The following KCNJ3 variants were observed in gnomAD, a reference collection of about 807,000 sequenced individuals.
The protein encoded by KCNJ3 is G protein-activated inward rectifier potassium channel 1.
In KCNJ3, 4 loss-of-function variants were observed where a neutral mutation model predicts 39.2. That is an observed-to-expected ratio of 0.10 (90% CI 0.05 to 0.23). The LOEUF (loss-of-function observed/expected upper bound fraction) is 0.23, where lower values mean the gene tolerates loss of function less well. Ranked by LOEUF, KCNJ3 falls within the 10% of genes least tolerant of loss-of-function variation. The pLI is 1.00. For missense variants in KCNJ3, 276 were observed against 634.9 expected, an observed-to-expected ratio of 0.43 and a Z score of 6.08; for synonymous variants, 230 against 237.4, an observed-to-expected ratio of 0.97 and a Z score of 0.29.
At chr2:154,718,870 C>A (rs750098107) in intron 2 of KCNJ3, among the ~76,000 whole-genome samples, 24 of 152,128 alleles carry the variant, frequency 1.6e-4, no homozygotes, top group Non-Finnish European at 3.1e-4. Context: ...TTGACACTAC[C>A]TTTGTCATAA....
rs1481947626 is a variant in KCNJ3, at chr2:154,760,731, T to C, written c.919+50912T>C. 2.5e-4 allele frequency among the ~76,000 whole-genome samples: 30 copies of C among 119,708 alleles called. 1 individual carries two copies. Among genetic ancestry groups the C allele is most frequent in the Admixed American group, 2.3e-3 (29 of 12,752 alleles). The allele number at this position is 119,708 out of a possible 152,430, so 78.5% of individuals were successfully genotyped here. A position where few individuals can be genotyped will look rare whatever the true frequency, so the allele number is the denominator to read the frequency against. On this transcript the variant is annotated intron_variant, in intron 2 of 2. Transcript: ENST00000295101. ...AACACCCTGGCTATTTTTTTCTTTT[T>C]TTTCTTTTTTTTTTTTTTTTTTTGA... is the stretch of plus-strand genomic sequence containing the variant.
At chr2:154,710,409 A>G (rs751079522) in intron 2 of KCNJ3, among the ~76,000 whole-genome samples, 1 of 152,154 alleles carries the variant, frequency 6.6e-6, no homozygotes, top group Non-Finnish European at 1.5e-5. Context: ...CTGCTCCTGT[A>G]TAGCTATGTG....
chr2:154,709,468 A>G (rs1003014997), intron 1 of KCNJ3, 135 bp from the exon 2 acceptor site: 10 of 858,416 alleles, frequency 1.2e-5, no homozygotes, highest in African/African-American at 1.0e-4. Flanking sequence ...ACATAGTTGC[A>G]TAATGATTTG....
intron 2 of KCNJ3, among the ~76,000 whole-genome samples, chr2:154,770,244 C>A (rs1357933970): frequency 6.6e-6 from 1 of 152,180 alleles, no homozygotes; most frequent in Admixed American, 6.5e-5. Context: ...GCCCTCTGAA[C>A]AATCTTCTTT....
At chr2:154,821,639 T>C (rs1687183015) in intron 2 of KCNJ3, among the ~76,000 whole-genome samples, 1 of 138,378 alleles carries the variant, frequency 7.2e-6, no homozygotes, top group Non-Finnish European at 1.6e-5. Flanking sequence ...TATGTGATTT[T>C]TTTTTTTTTT....
intron 2 of KCNJ3, among the ~76,000 whole-genome samples, chr2:154,847,823 A>G (rs1687685820): frequency 1.3e-5 from 2 of 152,162 alleles, no homozygotes; most frequent in Non-Finnish European, 2.9e-5. Context: ...TCACATATTA[A>G]TTACTGGTGG....
rs775178008 is a variant in KCNJ3 at position 154,709,594 on chromosome 2, C to T, written c.703-9C>T. On this transcript the variant is annotated splice_polypyrimidine_tract_variant and intron_variant, in intron 1 of 2. Coordinates refer to ENST00000295101, the MANE Select transcript of KCNJ3 (RefSeq NM_002239.4). ...GTGATTTCTTCTCTTTTTCTGTGTG[C>T]TTGTCTAGTCTCGGCAGACACCTGA... 21 of 1,610,864 alleles carry T rather than the reference C, an allele frequency of 1.3e-5. No individual in the cohort carries two copies. In the East Asian group the frequency reaches 4.5e-4, roughly 34 times the overall value.
intron 1 of KCNJ3, among the ~76,000 whole-genome samples, chr2:154,703,604 G>T (rs1684949064): frequency 6.6e-6 from 1 of 151,666 alleles, no homozygotes; most frequent in African/African-American, 2.4e-5. Context: ...AAAAAATGGT[G>T]GTCTGAAAGA....
At chr2:154,738,676 G>A (rs573088973) in intron 2 of KCNJ3, among the ~76,000 whole-genome samples, 4 of 152,078 alleles carry the variant, frequency 2.6e-5, no homozygotes, top group Middle Eastern at 3.4e-3. Flanking sequence ...GATGACATCC[G>A]ATTATCCTCA....
rs1394263400 is a variant in KCNJ3, at chr2:154,698,765, C to A, written c.-11C>A. 1 of 1,592,816 alleles carries A rather than the reference C, an allele frequency of 6.3e-7. No homozygotes were observed. Among genetic ancestry groups the A allele is most frequent in the Non-Finnish European group, 8.6e-7 (1 of 1,163,416 alleles). On this transcript the variant is annotated 5_prime_UTR_variant, in exon 1 of 3. Transcript: ENST00000295101. ...CGCTTCGCGTTTGAATCTGGCTCGC[C>A]CCTTCGTATTATGTCTGCACTCCGA... is the stretch of plus-strand genomic sequence containing the variant.
intron 2 of KCNJ3, among the ~76,000 whole-genome samples, chr2:154,807,702 G>T (rs1686937126): frequency 6.6e-6 from 1 of 152,052 alleles, no homozygotes; most frequent in African/African-American, 2.4e-5. Context: ...TGACTCCTTG[G>T]TAAACTTAGA....
chr2:154,736,313 C>A (rs1050028192), intron 2 of KCNJ3, among the ~76,000 whole-genome samples: 1 of 138,480 alleles, frequency 7.2e-6, no homozygotes, highest in Non-Finnish European at 1.5e-5. Context: ...GAATTATGTG[C>A]CCTTTTGCCA....
At chr2:154,831,133 ACAGT>A (rs1179016659) in intron 2 of KCNJ3, among the ~76,000 whole-genome samples, 1 of 152,146 alleles carries the variant, frequency 6.6e-6, no homozygotes, top group Admixed American at 6.5e-5. Context: ...TCTCCAATGG[ACAGT>A]CAAAGTGATC....
chr2:154,702,922 A>G (rs1430006281), intron 1 of KCNJ3, among the ~76,000 whole-genome samples: 1 of 151,922 alleles, frequency 6.6e-6, no homozygotes, highest in East Asian at 1.9e-4. Flanking sequence ...AACTAGTATC[A>G]TGGCTATGCT....
At chr2:154,737,714 A>G (rs1685572557) in intron 2 of KCNJ3, among the ~76,000 whole-genome samples, 1 of 152,200 alleles carries the variant, frequency 6.6e-6, no homozygotes, top group South Asian at 2.1e-4. Flanking sequence ...TTGCAGAAGG[A>G]AAGACTGGTG....
intron 2 of KCNJ3, among the ~76,000 whole-genome samples, chr2:154,829,771 A>C (rs2937610): frequency 2.6e-5 from 4 of 151,810 alleles, no homozygotes; most frequent in Non-Finnish European, 5.9e-5. Flanking sequence ...ACAGTTTATT[A>C]ATCAATAAGA....
chr2:154,775,234 C>G (rs767385433), intron 2 of KCNJ3, among the ~76,000 whole-genome samples: 18 of 152,186 alleles, frequency 1.2e-4, no homozygotes, highest in Admixed American at 1.1e-3. Context: ...GCTAACTTTT[C>G]TTTGTTGTAA....
intron 2 of KCNJ3, among the ~76,000 whole-genome samples, chr2:154,829,400 G>A (rs562036321): frequency 3.3e-5 from 5 of 151,966 alleles, no homozygotes; most frequent in African/African-American, 9.7e-5. Flanking sequence ...CTGTTCCTGC[G>A]TTAGTTTGCT....
intron 2 of KCNJ3, among the ~76,000 whole-genome samples, chr2:154,737,077 C>G (rs1455015120): frequency 6.6e-6 from 1 of 152,126 alleles, no homozygotes; most frequent in East Asian, 1.9e-4. Context: ...CAGCTCATGT[C>G]CATGAATGAG....
Sources: allele counts gnomAD v4.1 joint callset (sites outside exome capture counted in the v4.1 genomes callset), GRCh38; gene constraint gnomAD v4.1.1; transcripts MANE v1.5; gene names NCBI Gene and HGNC (gene_info 2026-07-23, HGNC 2026-07-21).